SIGLEC15: variants seen among roughly 807,000 people sequenced by gnomAD.
SIGLEC15 encodes the protein sialic acid-binding Ig-like lectin 15.
A neutral mutation model predicts 26.2 loss-of-function variants in SIGLEC15; 31 were observed. That is an observed-to-expected ratio of 1.18 (90% confidence interval 0.89 to 1.60). The LOEUF is 1.60. SIGLEC15 is among the 40% of genes most tolerant of loss of function. The pLI is 0.00. For missense variants in SIGLEC15, 501 were observed against 488.4 expected (o/e 1.03, Z -0.24); for synonymous variants, 207 against 221.9 (o/e 0.93, Z 0.60).
At position 45,843,662 on chromosome 18, in the gene SIGLEC15, T is replaced by A. The variant is rs1404312430; in HGVS notation, c.*1475T>A. ...GGGAGGCCGAGGCAGGTGGATCACT[T>A]GAGGTCAGGAGTTCGAGACCAGCCT... On this transcript the variant is annotated 3_prime_UTR_variant, in exon 6 of 6. Coordinates refer to ENST00000389474, the MANE Select transcript of SIGLEC15 (RefSeq NM_213602.3). 6.6e-6 allele frequency: 1 copy of A among 152,280 alleles called. No homozygotes were observed. Among genetic ancestry groups the A allele is most frequent in the Non-Finnish European group, 1.5e-5 (1 of 68,098 alleles). 9.4% of individuals were successfully genotyped at this position (152,280 alleles called of 1,614,324 possible).
At position 45,843,212 on chromosome 18, in the gene SIGLEC15, G is replaced by T. The variant is rs75404461; in HGVS notation, c.*1025G>T. Reference sequence around the variant, plus strand: ...TCTCTGACCTGCAGCCTCTCAGGGCGTGCGAAGTCCAAACGCACTGGCAAC... The same window carrying T: ...TCTCTGACCTGCAGCCTCTCAGGGCTTGCGAAGTCCAAACGCACTGGCAAC... On this transcript the variant is annotated 3_prime_UTR_variant, in exon 6 of 6. Transcript: ENST00000389474. The T allele has an allele frequency of 4.2e-3, 642 of 152,404 alleles. No individual in the cohort carries two copies. The highest frequency in any genetic ancestry group is 7.4e-3 in the Non-Finnish European group (503 of 68,076). The allele number at this position is 152,404 out of a possible 1,614,324, so 9.4% of individuals were successfully genotyped here. A position where few individuals can be genotyped will look rare whatever the true frequency, so the allele number is the denominator to read the frequency against.
rs1007606611 is a variant in SIGLEC15, at chr18:45,842,509, C to T, written c.*322C>T. The T allele has an allele frequency of 3.3e-6, 1 of 302,596 alleles. No homozygotes were observed. The highest frequency in any genetic ancestry group is 4.3e-5 in the Admixed American group (1 of 23,322). The allele number at this position is 302,596 out of a possible 1,614,324, so 18.7% of individuals were successfully genotyped here. On this transcript the variant is annotated 3_prime_UTR_variant, in exon 6 of 6. Coordinates refer to ENST00000389474, the MANE Select transcript of SIGLEC15 (RefSeq NM_213602.3). ...AAACTTCCAGAAATGTTCCCTTGCC[C>T]TTTCTTACCTAGAACACCTGCTATA...
chr18:45,838,882 C>T lies in SIGLEC15; in HGVS notation c.661C>T (p.Leu221=). 1 of 1,593,168 alleles carries T rather than the reference C, an allele frequency of 6.3e-7. No individual in the cohort carries two copies. Among genetic ancestry groups the T allele is most frequent in the Non-Finnish European group, 8.5e-7 (1 of 1,174,106 alleles). Residue 221 remains leucine, a synonymous_variant, in exon 4 of 6, where the codon CTA becomes TTA. Coordinates refer to ENST00000389474, the MANE Select transcript of SIGLEC15 (RefSeq NM_213602.3). ...VRSPREGHGH[L]VTAELPALTH... ...GAGCCCGCGTGAGGGTCACGGCCACCTAGTGACCGCCGAACTGCCCGCACT... is the reference window on the plus strand; with the variant it reads ...GAGCCCGCGTGAGGGTCACGGCCACTTAGTGACCGCCGAACTGCCCGCACT...
intron 3 of SIGLEC15, chr18:45,838,440 G>T (rs1396596852): frequency 5.9e-6 from 3 of 512,770 alleles, no homozygotes; most frequent in African/African-American, 4.1e-5. Context: ...CTAGGGAGCC[G>T]GGACCTAGTC....
intron 5 of SIGLEC15, 148 bp from the exon 6 acceptor site, chr18:45,841,958 C>T (rs1030060696): frequency 2.2e-5 from 16 of 734,598 alleles, no homozygotes; most frequent in Middle Eastern, 3.8e-4. Context: ...GCCCAGCCTC[C>T]GATGCCATTC....
In SIGLEC15 at chr18:45,839,027, G is replaced by T; in HGVS notation, c.806G>T (p.Gly269Val). ...GCCTCGACGGTCGCCCTCCTGCTCGGCGCTCTCGGCTTCAAGGCGCTGCTG... is the reference window on the plus strand; with the variant it reads ...GCCTCGACGGTCGCCCTCCTGCTCGTCGCTCTCGGCTTCAAGGCGCTGCTG... Reference protein sequence around the residue: ...SGASTVALLLGALGFKALLLL... With the variant: ...SGASTVALLLVALGFKALLLL... The change falls in exon 4 of 6, where the codon GGC (glycine) becomes GTC (valine). Residue 269 changes from glycine (G) to valine (V), a missense_variant. By Grantham distance (109) the Gly-to-Val change is moderately radical. Coordinates refer to ENST00000389474, the MANE Select transcript of SIGLEC15 (RefSeq NM_213602.3). The T allele has an allele frequency of 6.3e-7, 1 of 1,575,630 alleles. No homozygotes were observed. The highest frequency in any genetic ancestry group is 8.6e-7 in the Non-Finnish European group (1 of 1,168,996).
At chr18:45,834,479 C>T (rs1018910544) in intron 1 of SIGLEC15, among the ~76,000 whole-genome samples, 3 of 152,172 alleles carry the variant, frequency 2.0e-5, no homozygotes, top group Non-Finnish European at 4.4e-5. Flanking sequence ...CTCAGGGAAG[C>T]CCCCTGCTGT....
intron 1 of SIGLEC15, among the ~76,000 whole-genome samples, chr18:45,834,422 TGCCA>T (rs1417415296): frequency 2.0e-5 from 3 of 152,210 alleles, no homozygotes; most frequent in Non-Finnish European, 4.4e-5. Context: ...GAAGTACCTA[TGCCA>T]GCTCTGAGGC....
chr18:45,840,563 CT>C (rs777418141), intron 5 of SIGLEC15, among the ~76,000 whole-genome samples: 2 of 152,218 alleles, frequency 1.3e-5, no homozygotes, highest in African/African-American at 2.4e-5. Flanking sequence ...CCGTTCCCCC[CT>C]GGCACTCTGC....
intron 2 of SIGLEC15, 147 bp from the exon 3 acceptor site, chr18:45,837,366 C>T: frequency 7.9e-7 from 1 of 1,265,904 alleles, no homozygotes. Context: ...TTCCGGCTCC[C>T]CTGGAAGTGG....
chr18:45,840,090 G>C, intron 4 of SIGLEC15, 121 bp from the exon 5 acceptor site: 1 of 1,109,830 alleles, frequency 9.0e-7, no homozygotes, highest in Non-Finnish European at 1.3e-6. Context: ...CTAGTCTGCT[G>C]TTTGCTTCAA....
In SIGLEC15 at chr18:45,837,940, T is replaced by C. The variant is rs1049401979; in HGVS notation, c.496+44T>C. On this transcript the variant is annotated intron_variant, in intron 3 of 5. Coordinates refer to ENST00000389474, the MANE Select transcript of SIGLEC15 (RefSeq NM_213602.3). Reference sequence around the variant, plus strand: ...GGGTCCCCGGCCTCCCTTCCCGCCCTCCCGCCTGCCCCGCCCCAAGGGCTA... The same window carrying C: ...GGGTCCCCGGCCTCCCTTCCCGCCCCCCCGCCTGCCCCGCCCCAAGGGCTA... 3 of 1,438,736 alleles carry C rather than the reference T, an allele frequency of 2.1e-6. No homozygotes were observed. In the East Asian group the frequency reaches 8.8e-5, roughly 42 times the overall value. 89.1% of individuals were successfully genotyped at this position (1,438,736 alleles called of 1,614,324 possible). A position where few individuals can be genotyped will look rare whatever the true frequency, so the allele number is the denominator to read the frequency against.
intron 3 of SIGLEC15, 85 bp from the exon 4 acceptor site, chr18:45,838,633 C>T: frequency 7.0e-7 from 1 of 1,433,110 alleles, no homozygotes; most frequent in East Asian, 2.6e-5. Flanking sequence ...TCCCTTCTGA[C>T]CAGCCCCCAC....
Position 45,842,351 on chromosome 18 carries a change from T to A in SIGLEC15, c.*164T>A. ...AAGACCCTGCTCAAGGAGGCTCATC[T>A]GGCCTCCTATGTGGACAACCATTTC... On this transcript the variant is annotated 3_prime_UTR_variant, in exon 6 of 6. Transcript: ENST00000389474. 1 of 656,612 alleles carries A rather than the reference T, an allele frequency of 1.5e-6. No homozygotes were observed. Among genetic ancestry groups the A allele is most frequent in the Non-Finnish European group, 2.6e-6 (1 of 380,062 alleles). The allele number at this position is 656,612 out of a possible 1,614,324, so 40.7% of individuals were successfully genotyped here.
rs781226964 is a variant in SIGLEC15 at position 45,842,086 on chromosome 18, C to G, written c.906-20C>G. 5.0e-6 allele frequency: 8 copies of G among 1,613,028 alleles called. No homozygotes were observed. The Admixed American group carries it at 1.3e-4, about 27-fold the overall frequency. On this transcript the variant is annotated intron_variant, in intron 5 of 5. Coordinates refer to ENST00000389474, the MANE Select transcript of SIGLEC15 (RefSeq NM_213602.3). Reference sequence around the variant, plus strand: ...CCTCCCACCTGTTTGGATGATCATTCAACTTTCTCCTGTCCACAGGTCCCA... The same window carrying G: ...CCTCCCACCTGTTTGGATGATCATTGAACTTTCTCCTGTCCACAGGTCCCA...
At chr18:45,832,409 T>C (rs1327424033) in intron 1 of SIGLEC15, among the ~76,000 whole-genome samples, 2 of 129,172 alleles carry the variant, frequency 1.5e-5, no homozygotes, top group Non-Finnish European at 3.3e-5. Context: ...CAGGCACAGA[T>C]TGGGTGCTTG....
rs1304672371 is a variant in SIGLEC15, at chr18:45,839,806, C to T, written c.875-405C>T. ...GTCTCTGATCTGGATCAGAAATCTGCCCTGTGCCCCAGAGAGGGAGGGAGC... is the reference window on the plus strand; with the variant it reads ...GTCTCTGATCTGGATCAGAAATCTGTCCTGTGCCCCAGAGAGGGAGGGAGC... On this transcript the variant is annotated intron_variant, in intron 4 of 5. Transcript: ENST00000389474. Among the ~76,000 whole-genome samples, 4 of 152,210 alleles carry T rather than the reference C, an allele frequency of 2.6e-5. No individual in the cohort carries two copies. The South Asian group carries it at 6.2e-4, about 24-fold the overall frequency.
intron 1 of SIGLEC15, among the ~76,000 whole-genome samples, chr18:45,829,923 C>T (rs2048218461): frequency 6.6e-6 from 1 of 152,150 alleles, no homozygotes; most frequent in African/African-American, 2.4e-5. Flanking sequence ...GTTAAAGTGC[C>T]ATTCTGTAAG....
intron 2 of SIGLEC15, 69 bp downstream of exon 2, chr18:45,837,157 G>A (rs2048282071): frequency 6.3e-7 from 1 of 1,594,364 alleles, no homozygotes; most frequent in Non-Finnish European, 8.5e-7. Context: ...AGATCCCAGG[G>A]TTTTTCCACA....
Sources: gnomAD v4.1 joint callset for allele counts (sites outside exome capture counted in the v4.1 genomes callset) on GRCh38, gnomAD v4.1.1 for gene constraint, MANE v1.5 for transcripts, NCBI Gene and HGNC (gene_info 2026-07-23, HGNC 2026-07-21) for gene names.